PLCG2: variants seen among roughly 807,000 people sequenced by gnomAD.
PLCG2 encodes the protein phospholipase C gamma 2.
In PLCG2, 69 loss-of-function variants were observed where a neutral mutation model predicts 175.6. The ratio of observed to expected loss-of-function variants is 0.39; its 90% CI spans 0.32 to 0.48. The LOEUF (loss-of-function observed/expected upper bound fraction) is 0.48. Ranked by LOEUF, PLCG2 falls within the 20% of genes least tolerant of loss-of-function variation. The pLI is 0.91. For missense variants in PLCG2, 1,798 were observed against 1,650.9 expected (o/e 1.09, Z -1.54); for synonymous variants, 827 against 624.0 (o/e 1.33, Z -4.85).
At position 81,962,004 on chromosome 16, in the gene PLCG2, G is replaced by A. The variant is rs1371922393; in HGVS notation, c.*4006G>A. The A allele has an allele frequency of 5.1e-6, 1 of 195,014 alleles. No individual in the cohort carries two copies. Among genetic ancestry groups the A allele is most frequent in the Admixed American group, 6.1e-5 (1 of 16,328 alleles). 12.1% of individuals were successfully genotyped at this position (195,014 alleles called of 1,614,324 possible). On this transcript the variant is annotated 3_prime_UTR_variant, in exon 33 of 33. Transcript: ENST00000564138. ...TGATTCGGCTGATCTGGCTGGCTAG[G>A]TGGGTGTCCCCTTCCTACCTCACCG... is the stretch of plus-strand genomic sequence containing the variant.
At chr16:81,818,574 G>C (rs991893893) in intron 2 of PLCG2, among the ~76,000 whole-genome samples, 3 of 152,128 alleles carry the variant, frequency 2.0e-5, no homozygotes, top group African/African-American at 4.8e-5. Context: ...GGAATTATCT[G>C]CTTGGTGGGG....
At chr16:81,774,206 C>T (rs1366294778) in intron 2 of PLCG2, among the ~76,000 whole-genome samples, 1 of 128,268 alleles carries the variant, frequency 7.8e-6, no homozygotes, top group African/African-American at 2.8e-5. Context: ...AAAAAAAAGC[C>T]AGGCGTGGTG....
intron 2 of PLCG2, among the ~76,000 whole-genome samples, chr16:81,847,369 G>A (rs867600905): frequency 6.6e-6 from 1 of 152,172 alleles, no homozygotes; most frequent in Non-Finnish European, 1.5e-5. Context: ...AGGCATGATT[G>A]ATTAAATCAT....
At chr16:81,928,299 C>T (rs1910360511) in intron 23 of PLCG2, among the ~76,000 whole-genome samples, 1 of 152,092 alleles carries the variant, frequency 6.6e-6, no homozygotes, top group African/African-American at 2.4e-5. Flanking sequence ...ATTATGAAAC[C>T]TGTTCTAGAA....
chr16:81,825,278 C>T (rs1416580153), intron 2 of PLCG2, among the ~76,000 whole-genome samples: 4 of 148,628 alleles, frequency 2.7e-5, no homozygotes, highest in African/African-American at 1.0e-4. Flanking sequence ...TGAAGAGATG[C>T]TCTAATTTTT....
In PLCG2 at chr16:81,934,450, G is replaced by C; in HGVS notation, c.2761G>C (p.Glu921Gln). 2 of 1,612,788 alleles carry C rather than the reference G, an allele frequency of 1.2e-6. No homozygotes were observed. Among genetic ancestry groups the C allele is most frequent in the Non-Finnish European group, 8.5e-7 (1 of 1,178,968 alleles). The change falls in exon 26 of 33, where the codon GAG becomes CAG. Residue 921 changes from glutamate (E) to glutamine (Q), a missense_variant. Coordinates refer to ENST00000564138, the MANE Select transcript of PLCG2 (RefSeq NM_002661.5). The part of the protein sequence containing the change: ...DTKENNMKYW[E>Q]KNQSIAIELS... ...ACAGGAGAACAACATGAAGTACTGG[G>C]AGAAGAACCAGTCCATCGCCATCGA... is the stretch of plus-strand genomic sequence containing the variant.
intron 14 of PLCG2, among the ~76,000 whole-genome samples, chr16:81,904,727 A>G (rs1439391597): frequency 6.6e-6 from 1 of 152,188 alleles, no homozygotes; most frequent in Non-Finnish European, 1.5e-5. Flanking sequence ...AGGAGACTCA[A>G]CAGGAAGCAA....
upstream of PLCG2, among the ~76,000 whole-genome samples, chr16:81,775,757 C>T (rs1157712375): frequency 2.6e-5 from 4 of 152,154 alleles, no homozygotes; most frequent in Admixed American, 6.5e-5. Context: ...GTTATTCTTT[C>T]TTACCTATCC....
At chr16:81,903,733 C>G (rs73596863) in intron 14 of PLCG2, among the ~76,000 whole-genome samples, 1 of 152,114 alleles carries the variant, frequency 6.6e-6, no homozygotes, top group Non-Finnish European at 1.5e-5. Context: ...GTTGCATGTG[C>G]TCTTCCCTGT....
At chr16:81,954,286 G>C (rs1393587744) in intron 31 of PLCG2, among the ~76,000 whole-genome samples, 1 of 152,214 alleles carries the variant, frequency 6.6e-6, no homozygotes, top group African/African-American at 2.4e-5. Context: ...CTCCCAAAGT[G>C]CTGGGGATTA....
intron 2 of PLCG2, among the ~76,000 whole-genome samples, chr16:81,806,192 T>C (rs1912014409): frequency 6.6e-6 from 1 of 152,098 alleles, no homozygotes; most frequent in African/African-American, 2.4e-5. Flanking sequence ...AAGCCACATG[T>C]GGCTAGTGGC....
At chr16:81,823,903 C>G (rs180698637) in intron 2 of PLCG2, among the ~76,000 whole-genome samples, 265 of 148,092 alleles carry the variant, frequency 1.8e-3, no homozygotes, top group African/African-American at 6.2e-3. Flanking sequence ...TCCTCCCTTC[C>G]TTCCTTTCCT....
At chr16:81,945,807 A>C (rs1440471038) in intron 30 of PLCG2, among the ~76,000 whole-genome samples, 1 of 152,202 alleles carries the variant, frequency 6.6e-6, no homozygotes, top group East Asian at 1.9e-4. Flanking sequence ...AAGTGGAGGA[A>C]ATGGATGAGG....
At chr16:81,952,200 C>G (rs1419662245) in intron 31 of PLCG2, among the ~76,000 whole-genome samples, 2 of 151,894 alleles carry the variant, frequency 1.3e-5, no homozygotes, top group African/African-American at 4.8e-5. Flanking sequence ...TATACCAACC[C>G]TTCCAAAATT....
chr16:81,864,645 C>T (rs1287837929), intron 5 of PLCG2, among the ~76,000 whole-genome samples: 1 of 152,210 alleles, frequency 6.6e-6, no homozygotes, highest in East Asian at 1.9e-4. Context: ...GTGCGTGGAC[C>T]TGCCTGGCTC....
intron 1 of PLCG2, among the ~76,000 whole-genome samples, chr16:81,745,496 C>G (rs1162093347): frequency 6.6e-6 from 1 of 152,154 alleles, no homozygotes. Flanking sequence ...AACATGGACC[C>G]TGACTAACTA....
intron 2 of PLCG2, among the ~76,000 whole-genome samples, chr16:81,772,572 G>A (rs923166193): frequency 2.6e-5 from 4 of 152,032 alleles, no homozygotes; most frequent in African/African-American, 9.7e-5. Context: ...CACTTTGGGA[G>A]GCCGAGGTGG....
intron 2 of PLCG2, among the ~76,000 whole-genome samples, chr16:81,822,761 C>CAAAAA (rs59970301): frequency 0.019 from 1,312 of 69,648 alleles, 191 homozygotes; most frequent in African/African-American, 0.065. Flanking sequence ...GACTCCATCT[C>CAAAAA]AAAAAAAAAA....
chr16:81,851,549 G>C (rs965005092), intron 2 of PLCG2, among the ~76,000 whole-genome samples: 2 of 152,100 alleles, frequency 1.3e-5, no homozygotes, highest in Non-Finnish European at 1.5e-5. Context: ...GTCTCACTCT[G>C]TCACCCAGGC....
Sources: allele counts gnomAD v4.1 joint callset (sites outside exome capture counted in the v4.1 genomes callset), GRCh38; gene constraint gnomAD v4.1.1; transcripts MANE v1.5; gene names NCBI Gene and HGNC (gene_info 2026-07-23, HGNC 2026-07-21).